The following SYNE1 variants were observed in gnomAD, a reference collection of about 807,000 sequenced individuals.
SYNE1 encodes the protein spectrin repeat containing nuclear envelope protein 1, also known as nesprin-1.
SYNE1 carries 616 observed loss-of-function variants against 1,111.0 expected under a neutral mutation model. That is an observed-to-expected ratio of 0.55 (90% CI 0.52 to 0.59). The LOEUF (loss-of-function observed/expected upper bound fraction) is 0.59, where lower values mean the gene tolerates loss of function less well. Among genes scored for constraint, SYNE1 ranks in the 20% least tolerant of loss-of-function variants. SYNE1 has a pLI of 0.00. For synonymous variants in SYNE1, 3,855 were observed against 3,825.8 expected (o/e 1.01, Z -0.28); for missense variants, 10,006 against 10,417.0 (o/e 0.96, Z 1.72).
chr6:152,409,341 A>G, intron 43 of SYNE1, 115 bp from the exon 44 acceptor site: 4 of 1,135,524 alleles, frequency 3.5e-6, no homozygotes, highest in Non-Finnish European at 3.8e-6. Context: ...AATTAGTGAT[A>G]GTGAGATTAA....
intron 128 of SYNE1, among the ~76,000 whole-genome samples, chr6:152,186,647 C>A (rs1462826688): frequency 7.1e-6 from 1 of 140,146 alleles, no homozygotes; most frequent in Non-Finnish European, 1.5e-5. Flanking sequence ...GGAAGAGTGG[C>A]ATAATCCAGG....
chr6:152,426,417 G>A (rs762951986), intron 38 of SYNE1, among the ~76,000 whole-genome samples: 1 of 152,232 alleles, frequency 6.6e-6, no homozygotes, highest in African/African-American at 2.4e-5. Context: ...AGCGCAGGGT[G>A]CAGAGCCAGG....
chr6:152,368,271 G>A (rs2097116498), intron 61 of SYNE1: 1 of 152,514 alleles, frequency 6.6e-6, no homozygotes, highest in African/African-American at 2.4e-5. Flanking sequence ...TAAAGCTCAA[G>A]ATAGGTCTGC....
chr6:152,605,514 T>A (rs1397162826), intron 3 of SYNE1, among the ~76,000 whole-genome samples: 3 of 152,184 alleles, frequency 2.0e-5, no homozygotes, highest in African/African-American at 7.2e-5. Flanking sequence ...GTTATCTTTA[T>A]CAAACATATA....
intron 2 of SYNE1, among the ~76,000 whole-genome samples, chr6:152,632,544 A>C (rs2099699577): frequency 6.6e-6 from 1 of 152,212 alleles, no homozygotes; most frequent in African/African-American, 2.4e-5. Flanking sequence ...TATCCCAGCT[A>C]GTTGGGTGAT....
intron 127 of SYNE1, among the ~76,000 whole-genome samples, chr6:152,196,375 T>A (rs1407594079): frequency 1.3e-5 from 2 of 151,998 alleles, no homozygotes; most frequent in Non-Finnish European, 2.9e-5. Context: ...ACCGCAGCTG[T>A]GAATGTGCTA....
intron 78 of SYNE1, among the ~76,000 whole-genome samples, chr6:152,329,268 A>G (rs1264120288): frequency 1.3e-5 from 2 of 152,158 alleles, no homozygotes; most frequent in Non-Finnish European, 2.9e-5. Context: ...GCTCCCGCCT[A>G]TAATTCCAGC....
Position 152,177,175 on chromosome 6 carries a change from G to C in SYNE1, c.23461-615C>G, listed in dbSNP as rs188823312. 3.9e-5 allele frequency among the ~76,000 whole-genome samples: 6 copies of C among 152,116 alleles called. No homozygotes were observed. The South Asian group carries it at 1.0e-3, about 26-fold the overall frequency. On this transcript the variant is annotated intron_variant, in intron 129 of 145. Transcript: ENST00000367255. ...TAATAACTATTAACTATAGAGAATC[G>C]ACAGGCCTCAAACCTTCTTAATTTA...
chr6:152,520,307 T>A (rs950237210), intron 6 of SYNE1, 152 bp downstream of exon 6: 2 of 817,874 alleles, frequency 2.4e-6, no homozygotes, highest in African/African-American at 3.5e-5. Context: ...TCCATAAATC[T>A]AAGAGTATTT....
chr6:152,421,917 G>C (rs2098268286), intron 39 of SYNE1, among the ~76,000 whole-genome samples: 1 of 151,970 alleles, frequency 6.6e-6, no homozygotes, highest in African/African-American at 2.4e-5. Flanking sequence ...CATTGGCCAG[G>C]CTGGTCTCAA....
chr6:152,340,131 T>C (rs780065313), intron 74 of SYNE1, among the ~76,000 whole-genome samples: 1 of 152,200 alleles, frequency 6.6e-6, no homozygotes, highest in Non-Finnish European at 1.5e-5. Flanking sequence ...GAAGAAGGAC[T>C]GCCACTTCAG....
intron 3 of SYNE1, among the ~76,000 whole-genome samples, chr6:152,584,987 T>G (rs1157723501): frequency 1.3e-5 from 2 of 152,214 alleles, no homozygotes; most frequent in African/African-American, 4.8e-5. Flanking sequence ...AATCTTATCT[T>G]GAATTGTAGT....
chr6:152,422,029 A>G (rs1347123192), intron 39 of SYNE1, among the ~76,000 whole-genome samples: 1 of 152,090 alleles, frequency 6.6e-6, no homozygotes, highest in Non-Finnish European at 1.5e-5. Flanking sequence ...TTAATGCCCC[A>G]CAAACTGAAG....
chr6:152,627,439 G>T (rs2099687881), intron 3 of SYNE1, among the ~76,000 whole-genome samples: 1 of 151,082 alleles, frequency 6.6e-6, no homozygotes. Flanking sequence ...GATCACCTGA[G>T]GTCAGGAGTT....
chr6:152,170,903 G>T (rs2065038412), intron 130 of SYNE1, among the ~76,000 whole-genome samples: 1 of 152,144 alleles, frequency 6.6e-6, no homozygotes, highest in Non-Finnish European at 1.5e-5. Flanking sequence ...TGAGTCATGG[G>T]GGTGGTTTCC....
At chr6:152,353,474 C>T (rs371570594) in intron 68 of SYNE1, 41 bp from the exon 69 acceptor site, 1 of 1,613,884 alleles carries the variant, frequency 6.2e-7, no homozygotes, top group Non-Finnish European at 8.5e-7. Flanking sequence ...AAGTAAAGGC[C>T]TGTGCCAGGG....
chr6:152,303,845 A>T (rs2095283653), intron 91 of SYNE1, among the ~76,000 whole-genome samples: 1 of 152,136 alleles, frequency 6.6e-6, no homozygotes. Context: ...GGTTGAATTC[A>T]TGGATGCAGA....
chr6:152,158,368 A>G lies in SYNE1; in HGVS notation c.23791-2271T>C, dbSNP rs990976843. Reference sequence around the variant, plus strand: ...TTTTCTCTTGCTCTAAAAATTCCTCAATTTACGCAGATACCCGGGATTTAT... The same window carrying G: ...TTTTCTCTTGCTCTAAAAATTCCTCGATTTACGCAGATACCCGGGATTTAT... On this transcript the variant is annotated intron_variant, in intron 131 of 145. Coordinates refer to ENST00000367255, the MANE Select transcript of SYNE1 (RefSeq NM_182961.4). 2.0e-5 allele frequency among the ~76,000 whole-genome samples: 3 copies of G among 152,152 alleles called. No individual in the cohort carries two copies. The Middle Eastern group carries it at 0.01, about 518-fold the overall frequency.
chr6:152,174,320 T>C (rs2065883331), intron 130 of SYNE1, among the ~76,000 whole-genome samples: 1 of 152,216 alleles, frequency 6.6e-6, no homozygotes, highest in Non-Finnish European at 1.5e-5. Context: ...GAGGGAGAAG[T>C]GGGACTGAAC....
Sources: allele counts gnomAD v4.1 joint callset (sites outside exome capture counted in the v4.1 genomes callset), GRCh38; gene constraint gnomAD v4.1.1; transcripts MANE v1.5; gene names NCBI Gene and HGNC (gene_info 2026-07-23, HGNC 2026-07-21).